Variants in MICU3 observed in about 807,000 individuals in gnomAD.
MICU3 encodes the protein mitochondrial calcium uptake 3, also known as calcium uptake protein 3, mitochondrial.
In MICU3, 62 loss-of-function variants were observed where a neutral mutation model predicts 66.5. That is an observed-to-expected ratio of 0.93 (90% CI 0.76 to 1.15). MICU3 has a LOEUF of 1.15. Among genes scored for constraint, MICU3 ranks in the 50% most tolerant of loss-of-function variants. The pLI is 0.00. For synonymous variants in MICU3, 308 were observed against 240.7 expected (o/e 1.28, Z -2.59); for missense variants, 779 against 664.4 (o/e 1.17, Z -1.90).
intron 1 of MICU3, among the ~76,000 whole-genome samples, chr8:17,039,934 T>A (rs1813762645): frequency 8.8e-6 from 1 of 113,914 alleles, no homozygotes; most frequent in African/African-American, 3.0e-5. Flanking sequence ...TGAGATGGAG[T>A]TTCGCTCTTG....
At chr8:17,057,201 A>G (rs1817075369) in intron 1 of MICU3, among the ~76,000 whole-genome samples, 1 of 152,218 alleles carries the variant, frequency 6.6e-6, no homozygotes, top group African/African-American at 2.4e-5. Flanking sequence ...TGGGGTGGGT[A>G]GGTAAGCATG....
At chr8:17,053,693 TA>T (rs776594241) in intron 1 of MICU3, among the ~76,000 whole-genome samples, 3 of 152,206 alleles carry the variant, frequency 2.0e-5, no homozygotes, top group Non-Finnish European at 4.4e-5. Context: ...AATTATTACT[TA>T]ATTTTTATGA....
chr8:17,043,491 T>C (rs1814558868), intron 1 of MICU3, among the ~76,000 whole-genome samples: 1 of 152,228 alleles, frequency 6.6e-6, no homozygotes, highest in South Asian at 2.1e-4. Context: ...CTTAAAAATA[T>C]AGTCATAAGG....
chr8:17,032,040 T>C (rs866374886), intron 1 of MICU3, among the ~76,000 whole-genome samples: 1 of 152,240 alleles, frequency 6.6e-6, no homozygotes, highest in Non-Finnish European at 1.5e-5. Context: ...AGGCACAATA[T>C]GTATTTGTTG....
chr8:17,083,150 T>C (rs769946551), intron 5 of MICU3, among the ~76,000 whole-genome samples: 41 of 152,016 alleles, frequency 2.7e-4, no homozygotes, highest in Non-Finnish European at 2.9e-4. Context: ...GATGAAATCA[T>C]AGGGAGTTGA....
chr8:17,099,576 G>A (rs1309665219), intron 9 of MICU3, among the ~76,000 whole-genome samples: 1 of 151,694 alleles, frequency 6.6e-6, no homozygotes, highest in Non-Finnish European at 1.5e-5. Flanking sequence ...ATATGTCTGT[G>A]ATATATAAAT....
intron 1 of MICU3, chr8:17,049,562 A>T: frequency 1.9e-6 from 1 of 516,498 alleles, no homozygotes; most frequent in Non-Finnish European, 3.9e-6. Flanking sequence ...CAGAAAGTTA[A>T]GTTATTTTTC....
At chr8:17,083,760 C>T (rs757257089) in intron 5 of MICU3, among the ~76,000 whole-genome samples, 39 of 152,040 alleles carry the variant, frequency 2.6e-4, no homozygotes, top group Non-Finnish European at 5.0e-4. Context: ...ATGATGCTAT[C>T]CTGAGAATGA....
At chr8:17,060,575 G>C (rs1389999733) in intron 1 of MICU3, among the ~76,000 whole-genome samples, 1 of 152,132 alleles carries the variant, frequency 6.6e-6, no homozygotes, top group African/African-American at 2.4e-5. Flanking sequence ...GCCTCCCATA[G>C]TGCTGGGATT....
chr8:17,045,909 T>G (rs1330233529), intron 1 of MICU3, among the ~76,000 whole-genome samples: 2 of 152,190 alleles, frequency 1.3e-5, no homozygotes, highest in African/African-American at 4.8e-5. Flanking sequence ...CCCGCCCCCA[T>G]GATTCAGTTA....
intron 1 of MICU3, among the ~76,000 whole-genome samples, chr8:17,038,026 G>C (rs1225088216): frequency 6.6e-6 from 1 of 152,148 alleles, no homozygotes; most frequent in African/African-American, 2.4e-5. Flanking sequence ...TAAGTAACTT[G>C]CTTTTGATTT....
Position 17,105,487 on chromosome 8 carries a change from G to T in MICU3, c.1160G>T (p.Ser387Ile). The T allele has an allele frequency of 6.4e-7, 1 of 1,573,170 alleles. No individual in the cohort carries two copies. The highest frequency in any genetic ancestry group is 8.7e-7 in the Non-Finnish European group (1 of 1,155,028). The change falls in exon 11 of 15, where the codon AGT becomes ATT. Residue 387 changes from serine to isoleucine, a missense_variant. Coordinates refer to ENST00000318063, the MANE Select transcript of MICU3 (RefSeq NM_181723.3). ...TACTCAAATGGAATGAATACCATCA[G>T]TGAAGAAGATTTTGCTCATATTCTT... ...LSYSNGMNTI[S>I]EEDFAHILLR... is the part of the protein sequence containing the mutation.
chr8:17,039,933 G>A (rs966590871), intron 1 of MICU3, among the ~76,000 whole-genome samples: 1 of 95,424 alleles, frequency 1.0e-5, no homozygotes, highest in Admixed American at 1.4e-4. Flanking sequence ...TTGAGATGGA[G>A]TTTCGCTCTT....
At chr8:17,042,308 C>T (rs1012646561) in intron 1 of MICU3, among the ~76,000 whole-genome samples, 1 of 152,168 alleles carries the variant, frequency 6.6e-6, no homozygotes, top group Non-Finnish European at 1.5e-5. Context: ...TATTAGATCT[C>T]ACTGCTCTCC....
At position 17,064,075 on chromosome 8, in the gene MICU3, T is replaced by C. The variant is rs1313266502; in HGVS notation, c.382-9T>C. Reference sequence around the variant, plus strand: ...CATCATCCAAATGTATTTGCTTTCTTAACTTTAGGTTGCTATTGGCAGAAC... The same window carrying C: ...CATCATCCAAATGTATTTGCTTTCTCAACTTTAGGTTGCTATTGGCAGAAC... On this transcript the variant is annotated splice_polypyrimidine_tract_variant and intron_variant, in intron 1 of 14. Coordinates refer to ENST00000318063, the MANE Select transcript of MICU3 (RefSeq NM_181723.3). 5 of 1,604,476 alleles carry C rather than the reference T, an allele frequency of 3.1e-6. No individual in the cohort carries two copies. In the African/African-American group the frequency reaches 6.7e-5, roughly 21 times the overall value.
chr8:17,031,110 C>A (rs920722812), intron 1 of MICU3, among the ~76,000 whole-genome samples: 6 of 151,876 alleles, frequency 4.0e-5, no homozygotes, highest in Non-Finnish European at 8.8e-5. Flanking sequence ...CCCAGCTACT[C>A]AGGGGGCTGA....
chr8:17,054,738 C>CTTTTTTTTTTTTTT (rs559605289), intron 1 of MICU3, among the ~76,000 whole-genome samples: 1 of 122,770 alleles, frequency 8.1e-6, no homozygotes, highest in Non-Finnish European at 1.7e-5. Context: ...TTCTTTCTTT[C>CTTTTTTTTTTTTTT]TTTTTTTTTT....
the MICU3 span, chr8:17,132,190 G>A: frequency 6.6e-6 from 1 of 152,176 alleles, no homozygotes; most frequent in African/African-American, 2.4e-5. Context: ...ATAGAAGGGA[G>A]CAAGAAGAGG....
chr8:17,084,829 T>A (rs921342159), intron 5 of MICU3, among the ~76,000 whole-genome samples: 3 of 152,074 alleles, frequency 2.0e-5, no homozygotes, highest in Non-Finnish European at 4.4e-5. Flanking sequence ...TTTTCATAGG[T>A]CATTTTAGTT....
Sources: allele counts gnomAD v4.1 joint callset (sites outside exome capture counted in the v4.1 genomes callset), GRCh38; gene constraint gnomAD v4.1.1; transcripts MANE v1.5; gene names NCBI Gene and HGNC (gene_info 2026-07-23, HGNC 2026-07-21).